PLD1: variants seen among roughly 807,000 people sequenced by gnomAD.
PLD1 encodes phospholipase D1.
In PLD1, 112 loss-of-function variants were observed where a neutral mutation model predicts 137.1. The observed-to-expected ratio is 0.82, with a 90% confidence interval of 0.70 to 0.96. PLD1 has a LOEUF of 0.96. PLD1 is among the 40% of genes least tolerant of loss of function. The pLI is 0.00. For missense variants in PLD1, 1,321 were observed against 1,342.0 expected (o/e 0.98, Z 0.24); for synonymous variants, 431 against 454.7 (o/e 0.95, Z 0.66).
chr3:171,677,677 T>G lies in PLD1; in HGVS notation c.1885A>C (p.Ser629Arg). Residue 629 changes from serine to arginine, a missense_variant, in exon 17 of 27, where the codon AGT becomes CGT. Transcript: ENST00000351298. Reference protein sequence around the residue: ...RPHADTGSIRSLQTGVGELHG... With the variant: ...RPHADTGSIRRLQTGVGELHG... ...AGCTCTCCCACACCTGTCTGTAAAC[T>G]ACGGATGGACCCGGTATCTGTGAAT... 1 of 1,614,044 alleles carries G rather than the reference T, an allele frequency of 6.2e-7. No individual in the cohort carries two copies. Among genetic ancestry groups the G allele is most frequent in the Non-Finnish European group, 8.5e-7 (1 of 1,179,948 alleles).
intron 25 of PLD1, among the ~76,000 whole-genome samples, chr3:171,606,676 C>A (rs1166928538): frequency 1.3e-5 from 2 of 152,092 alleles, no homozygotes; most frequent in African/African-American, 4.8e-5. Context: ...ATATTGTTAC[C>A]CTCCTTGTAT....
At chr3:171,619,498 G>A (rs559584273) in intron 24 of PLD1, among the ~76,000 whole-genome samples, 1 of 152,166 alleles carries the variant, frequency 6.6e-6, no homozygotes, top group African/African-American at 2.4e-5. Context: ...CCTATCATTA[G>A]TACACAATTC....
intron 1 of PLD1, chr3:171,792,509 C>G: frequency 2.2e-6 from 1 of 448,578 alleles, no homozygotes; most frequent in Non-Finnish European, 4.5e-6. Flanking sequence ...GAAGGGGGCC[C>G]TCAGACACGA....
intron 1 of PLD1, among the ~76,000 whole-genome samples, chr3:171,785,541 C>T (rs1317374942): frequency 6.6e-6 from 1 of 151,608 alleles, no homozygotes; most frequent in East Asian, 1.9e-4. Flanking sequence ...CTGGTTCAAG[C>T]GATTCTCCTC....
intron 11 of PLD1, among the ~76,000 whole-genome samples, chr3:171,701,219 G>GT (rs1295850375): frequency 6.6e-6 from 1 of 152,240 alleles, no homozygotes; most frequent in Non-Finnish European, 1.5e-5. Flanking sequence ...TTTGGACAGT[G>GT]TAAGTCTTGC....
chr3:171,790,811 A>G (rs73046028), intron 1 of PLD1, among the ~76,000 whole-genome samples: 106 of 152,338 alleles, frequency 7.0e-4, no homozygotes, highest in African/African-American at 2.5e-3. Context: ...CCAGCTCCCA[A>G]CGGACTACTT....
chr3:171,603,250 T>C lies in PLD1; in HGVS notation c.3053A>G (p.Asp1018Gly). ...AGCTAATACGGGCTTGTTTATAAAG[T>C]CTCTCAGCTGAATTAAATTGTGTAC... ...DEVHNLIQLRDFINKPVLAKE... is the reference protein window; with the variant it reads ...DEVHNLIQLRGFINKPVLAKE... The change falls in exon 27 of 27, where the codon GAC (aspartate) becomes GGC (glycine). Residue 1018 changes from aspartate (D) to glycine (G), a missense_variant. Transcript: ENST00000351298. 1 of 1,614,026 alleles carries C rather than the reference T, an allele frequency of 6.2e-7. No individual in the cohort carries two copies. The highest frequency in any genetic ancestry group is 8.5e-7 in the Non-Finnish European group (1 of 1,179,956).
chr3:171,754,778 G>A lies in PLD1; in HGVS notation c.-31-16696C>T, dbSNP rs763026529. On this transcript the variant is annotated intron_variant, in intron 1 of 26. Coordinates refer to ENST00000351298, the MANE Select transcript of PLD1 (RefSeq NM_002662.5). ...TAGTGATATTACATCCTTCTTCCAAGTGGCAAAACATCTCAAATGTAGGGC... is the reference window on the plus strand; with the variant it reads ...TAGTGATATTACATCCTTCTTCCAAATGGCAAAACATCTCAAATGTAGGGC... 7.2e-5 allele frequency among the ~76,000 whole-genome samples: 11 copies of A among 152,254 alleles called. No homozygotes were observed. The East Asian group carries it at 1.5e-3, about 21-fold the overall frequency.
chr3:171,733,784 T>C (rs1719129975), intron 5 of PLD1, among the ~76,000 whole-genome samples: 2 of 152,232 alleles, frequency 1.3e-5, no homozygotes, highest in African/African-American at 4.8e-5. Context: ...TATATGTATA[T>C]AGCTATTATA....
chr3:171,642,883 C>A lies in PLD1; in HGVS notation c.2550G>T (p.Met850Ile). 1 of 1,579,776 alleles carries A rather than the reference C, an allele frequency of 6.3e-7. No individual in the cohort carries two copies. Among genetic ancestry groups the A allele is most frequent in the Non-Finnish European group, 8.7e-7 (1 of 1,154,146 alleles). The part of the protein sequence containing the change: ...QAIMHFNYRT[M>I]CRGENSILGQ... ...CAAGGATGGAATTTTCTCCTCTGCA[C>A]ATGGTTCTGAAAATATGTAAAGGAG... The change falls in exon 23 of 27, where the codon ATG becomes ATT. Residue 850 changes from methionine (M) to isoleucine (I), a missense_variant. Coordinates refer to ENST00000351298, the MANE Select transcript of PLD1 (RefSeq NM_002662.5).
chr3:171,629,948 T>C (rs1349624797), intron 23 of PLD1, among the ~76,000 whole-genome samples: 5 of 152,006 alleles, frequency 3.3e-5, no homozygotes, highest in African/African-American at 7.2e-5. Context: ...AGGACATAGG[T>C]ATGGGCAAGG....
chr3:171,734,733 C>A, intron 5 of PLD1, 132 bp downstream of exon 5: 1 of 605,348 alleles, frequency 1.7e-6, no homozygotes, highest in East Asian at 2.7e-5. Flanking sequence ...TCCAGAAAAG[C>A]TAAACCAGCC....
At chr3:171,676,898 T>TC in intron 17 of PLD1, 65 bp from the exon 18 acceptor site, 2 of 1,091,978 alleles carry the variant, frequency 1.8e-6, no homozygotes, top group Non-Finnish European at 2.8e-6. Context: ...TCTCTCTGAC[T>TC]CCAACTATGA....
chr3:171,650,266 T>C (rs1401531160), intron 21 of PLD1, among the ~76,000 whole-genome samples: 1 of 152,162 alleles, frequency 6.6e-6, no homozygotes, highest in East Asian at 1.9e-4. Flanking sequence ...CCCCACTCTC[T>C]TTTCAATGTG....
intron 1 of PLD1, among the ~76,000 whole-genome samples, chr3:171,805,559 C>A (rs1209464579): frequency 6.6e-6 from 1 of 152,176 alleles, no homozygotes; most frequent in Non-Finnish European, 1.5e-5. Flanking sequence ...CCTGGCCCAG[C>A]AGAGGATCTC....
chr3:171,736,502 G>A (rs1423792360), intron 3 of PLD1, among the ~76,000 whole-genome samples: 2 of 152,288 alleles, frequency 1.3e-5, no homozygotes, highest in South Asian at 2.1e-4. Context: ...AGGGAGTTGT[G>A]CTCAGTGGTG....
rs57580074 is a variant in PLD1 at position 171,623,313 on chromosome 3, C to CT, written c.2594-2794dup. Among the ~76,000 whole-genome samples the CT allele has an allele frequency of 9.5e-3, 1,240 of 129,974 alleles. 22 individuals carry two copies. Among genetic ancestry groups the CT allele is most frequent in the Middle Eastern group, 0.03 (8 of 268 alleles). The allele number at this position is 129,974 out of a possible 152,430, so 85.3% of individuals were successfully genotyped here. On this transcript the variant is annotated intron_variant, in intron 23 of 26. Coordinates refer to ENST00000351298, the MANE Select transcript of PLD1 (RefSeq NM_002662.5). ...GCTATGAGTCATTAGCCCTATCAGA[C>CT]TTTTTTTTTTTTTTTTTTTGAGATG... is the stretch of plus-strand genomic sequence containing the variant.
At chr3:171,659,389 G>T in intron 20 of PLD1, 88 bp from the exon 21 acceptor site, 1 of 881,898 alleles carries the variant, frequency 1.1e-6, no homozygotes. Flanking sequence ...TTTTTAAAAT[G>T]TTTCACACAG....
chr3:171,675,244 C>G (rs894483613), intron 18 of PLD1, among the ~76,000 whole-genome samples: 2 of 151,976 alleles, frequency 1.3e-5, no homozygotes, highest in Admixed American at 6.6e-5. Flanking sequence ...TAATTTTTTA[C>G]TGATTATGTT....
Sources: gnomAD v4.1 joint callset for allele counts (sites outside exome capture counted in the v4.1 genomes callset) on GRCh38, gnomAD v4.1.1 for gene constraint, MANE v1.5 for transcripts, NCBI Gene and HGNC (gene_info 2026-07-23, HGNC 2026-07-21) for gene names.